Variants in ZC3H12B observed in about 807,000 individuals in gnomAD.
ZC3H12B encodes the protein probable ribonuclease ZC3H12B.
A neutral mutation model predicts 43.9 loss-of-function variants in ZC3H12B; 7 were observed. The observed-to-expected ratio is 0.16, with a 90% CI of 0.09 to 0.30. The LOEUF (loss-of-function observed/expected upper bound fraction) is 0.30. ZC3H12B is among the 10% of genes least tolerant of loss of function. The pLI, the probability that ZC3H12B is intolerant of heterozygous loss-of-function variation, is 1.00. For missense variants in ZC3H12B, 475 were observed against 670.2 expected (o/e 0.71, Z 3.22); for synonymous variants, 222 against 241.7 (o/e 0.92, Z 0.76).
At chrX:65,448,979 G>GAAAAAGAAAGAAAGAA (rs1158285090) in intron 3 of ZC3H12B, among the ~76,000 whole-genome samples, 1 of 21,642 alleles carries the variant, frequency 4.6e-5, no homozygotes, top group African/African-American at 5.3e-5. Flanking sequence ...AAGAAAGAAA[G>GAAAAAGAAAGAAAGAA]AGAAAGAAAG....
chrX:65,312,772 C>A, the ZC3H12B span, among the ~76,000 whole-genome samples: 1 of 112,050 alleles, frequency 8.9e-6, no homozygotes, highest in Non-Finnish European at 1.9e-5. Flanking sequence ...AAAAGCAGCT[C>A]TCTGGGACAT....
intron 3 of ZC3H12B, 32 bp downstream of exon 8, chrX:65,499,265 G>A: frequency 9.8e-7 from 1 of 1,017,561 alleles, no homozygotes; most frequent in African/African-American, 1.9e-5. Flanking sequence ...CTATATCCAA[G>A]TTATCAGTAA....
the ZC3H12B span, among the ~76,000 whole-genome samples, chrX:65,085,427 T>A: frequency 9.0e-5 from 10 of 110,956 alleles, no homozygotes; most frequent in African/African-American, 1.3e-4. Flanking sequence ...TAAAAAAAAA[T>A]TCAAAAATGT....
chrX:65,490,518 C>A (rs758537026), intron 1 of ZC3H12B, among the ~76,000 whole-genome samples: 1 of 110,886 alleles, frequency 9.0e-6, no homozygotes, highest in South Asian at 3.8e-4. Context: ...ACCTATTGAA[C>A]TTGTAAGAGA....
chrX:65,232,938 G>A, the ZC3H12B span, among the ~76,000 whole-genome samples: 2 of 111,591 alleles, frequency 1.8e-5, no homozygotes, highest in African/African-American at 6.5e-5. Context: ...ATGAGGAGGA[G>A]CAGCTATACT....
chrX:65,252,470 A>C, the ZC3H12B span, among the ~76,000 whole-genome samples: 1,818 of 112,060 alleles, frequency 0.016, 58 homozygotes, highest in East Asian at 0.2. Context: ...ATTAATACAC[A>C]CAAAATCCCT....
chrX:65,226,425 T>C, the ZC3H12B span, among the ~76,000 whole-genome samples: 2 of 111,454 alleles, frequency 1.8e-5, no homozygotes, highest in African/African-American at 6.5e-5. Context: ...TCATGCCAAA[T>C]TGTAAAGACC....
chrX:65,180,654 G>A, the ZC3H12B span, among the ~76,000 whole-genome samples: 13 of 110,992 alleles, frequency 1.2e-4, no homozygotes, highest in Non-Finnish European at 1.9e-4. Flanking sequence ...TGAGTAAACT[G>A]CCATTCAGAA....
intron 1 of ZC3H12B, among the ~76,000 whole-genome samples, 182 bp from the exon 7 acceptor site, chrX:65,496,948 CAA>C (rs373400545): frequency 1.4e-3 from 56 of 40,891 alleles, no homozygotes; most frequent in African/African-American, 2.8e-3. Flanking sequence ...AAAGTGAGAC[CAA>C]AAAAAAAAAA....
At chrX:65,206,356 C>T in the ZC3H12B span, among the ~76,000 whole-genome samples, 1 of 111,625 alleles carries the variant, frequency 9.0e-6, no homozygotes, top group Non-Finnish European at 1.9e-5. Context: ...AGAAATAAAG[C>T]CAAACACTTA....
chrX:65,086,619 A>G, the ZC3H12B span, among the ~76,000 whole-genome samples: 3 of 111,946 alleles, frequency 2.7e-5, no homozygotes, highest in Admixed American at 1.9e-4. Flanking sequence ...ATTATAAAAG[A>G]TCCGAGATAA....
chrX:65,156,918 G>C, the ZC3H12B span, among the ~76,000 whole-genome samples: 3 of 111,521 alleles, frequency 2.7e-5, no homozygotes, highest in African/African-American at 9.8e-5. Context: ...AATATTCTTT[G>C]ACATATATTT....
chrX:65,296,734 A>C, the ZC3H12B span, among the ~76,000 whole-genome samples: 1 of 111,484 alleles, frequency 9.0e-6, no homozygotes, highest in East Asian at 2.8e-4. Flanking sequence ...ATCCCTGATG[A>C]AGATAGATGT....
the ZC3H12B span, among the ~76,000 whole-genome samples, chrX:65,102,990 C>T: frequency 1.8e-5 from 2 of 111,378 alleles, no homozygotes; most frequent in South Asian, 3.8e-4. Flanking sequence ...ATCACAGGAG[C>T]GGGGTGAAAT....
chrX:65,117,104 G>T, the ZC3H12B span, among the ~76,000 whole-genome samples: 11 of 111,753 alleles, frequency 9.8e-5, no homozygotes, highest in Non-Finnish European at 1.9e-4. Flanking sequence ...CAAATGGTAT[G>T]TCTAGTTCTA....
At chrX:65,478,609 G>A (rs912030991) in intron 3 of ZC3H12B, among the ~76,000 whole-genome samples, 2 of 112,025 alleles carry the variant, frequency 1.8e-5, no homozygotes, top group African/African-American at 6.5e-5. Flanking sequence ...TCAGCTATTG[G>A]TTCAAAAACA....
chrX:65,364,117 C>T (rs192636519), upstream of ZC3H12B, among the ~76,000 whole-genome samples: 38 of 111,023 alleles, frequency 3.4e-4, 2 homozygotes, highest in Non-Finnish European at 4.7e-4. Flanking sequence ...CAGGCCTAAT[C>T]GCTACACACC....
At chrX:65,034,938 G>A in the ZC3H12B span, among the ~76,000 whole-genome samples, 2 of 112,715 alleles carry the variant, frequency 1.8e-5, no homozygotes, top group African/African-American at 3.2e-5. Flanking sequence ...AGGCCTGGGG[G>A]TCGCATCGCT....
chrX:65,279,468 GA>G, the ZC3H12B span, among the ~76,000 whole-genome samples: 1 of 110,931 alleles, frequency 9.0e-6, no homozygotes, highest in African/African-American at 3.3e-5. Flanking sequence ...AAGCAATTGG[GA>G]AAAGACTCTC....
Sources: allele counts gnomAD v4.1 joint callset (sites outside exome capture counted in the v4.1 genomes callset), GRCh38; gene constraint gnomAD v4.1.1; transcripts MANE v1.5; gene names NCBI Gene and HGNC (gene_info 2026-07-23, HGNC 2026-07-21).